The following DPP10 variants were observed in gnomAD, a reference collection of about 807,000 sequenced individuals.
DPP10 encodes the protein dipeptidyl peptidase like 10.
Under a neutral mutation model 120.9 loss-of-function variants are expected in DPP10, and 33 were observed. The observed-to-expected ratio is 0.27, with a 90% CI of 0.21 to 0.37. The LOEUF (loss-of-function observed/expected upper bound fraction) is 0.37. DPP10 is among the 10% of genes least tolerant of loss of function. The probability of loss-of-function intolerance (pLI) is 1.00; values close to 1 mark genes in which losing one functional copy is unlikely to be tolerated. For synonymous variants in DPP10, 337 were observed against 326.1 expected (o/e 1.03, Z -0.36); for missense variants, 816 against 942.8 (o/e 0.87, Z 1.76).
At chr2:115,779,873 A>G (rs1258809350) in intron 15 of DPP10, among the ~76,000 whole-genome samples, 1 of 152,004 alleles carries the variant, frequency 6.6e-6, no homozygotes, top group African/African-American at 2.4e-5. Context: ...TTTGAGTATT[A>G]TAAGGAAATT....
intron 3 of DPP10, among the ~76,000 whole-genome samples, chr2:115,493,232 T>G (rs911162616): frequency 3.9e-5 from 6 of 152,024 alleles, no homozygotes; most frequent in Non-Finnish European, 5.9e-5. Flanking sequence ...AGCAGTAGTC[T>G]GGGTGAGTGG....
chr2:114,864,204 C>T (rs1265359814), intron 1 of DPP10, among the ~76,000 whole-genome samples: 1 of 152,082 alleles, frequency 6.6e-6, no homozygotes, highest in African/African-American at 2.4e-5. Context: ...CCGGTAAAAT[C>T]TACATTTCTC....
intron 1 of DPP10, among the ~76,000 whole-genome samples, chr2:114,780,008 C>T (rs909685975): frequency 5.3e-5 from 8 of 151,740 alleles, no homozygotes; most frequent in East Asian, 1.9e-4. Context: ...TGGTGGTGGT[C>T]GCCTGTAGTC....
intron 2 of DPP10, among the ~76,000 whole-genome samples, chr2:115,335,854 A>G (rs1559444915): frequency 6.6e-6 from 1 of 152,138 alleles, no homozygotes; most frequent in East Asian, 1.9e-4. Flanking sequence ...CAGCCCTGGG[A>G]ATGGAGATGG....
chr2:115,031,460 T>C (rs1439653914), intron 1 of DPP10, among the ~76,000 whole-genome samples: 1 of 152,160 alleles, frequency 6.6e-6, no homozygotes, highest in East Asian at 1.9e-4. Context: ...CTCACCCCTG[T>C]TGACCTTCAA....
intron 4 of DPP10, among the ~76,000 whole-genome samples, chr2:115,510,349 A>T (rs2077160224): frequency 6.6e-6 from 1 of 152,176 alleles, no homozygotes; most frequent in African/African-American, 2.4e-5. Flanking sequence ...GTGAGGAAAG[A>T]GGTCCACATT....
At chr2:115,450,775 G>T (rs1009320996) in intron 3 of DPP10, among the ~76,000 whole-genome samples, 7 of 151,940 alleles carry the variant, frequency 4.6e-5, no homozygotes, top group African/African-American at 1.7e-4. Flanking sequence ...AAACTATGTT[G>T]AGCTCTGAAG....
chr2:115,474,146 A>G (rs2074918420), intron 3 of DPP10, among the ~76,000 whole-genome samples: 1 of 151,058 alleles, frequency 6.6e-6, no homozygotes, highest in Admixed American at 6.6e-5. Flanking sequence ...AATTATGAAC[A>G]CACACTATTA....
At chr2:115,342,505 C>T (rs965279108) in intron 2 of DPP10, among the ~76,000 whole-genome samples, 3 of 152,170 alleles carry the variant, frequency 2.0e-5, no homozygotes, top group African/African-American at 2.4e-5. Flanking sequence ...TGCCCCACTG[C>T]GCCTGGCCTG....
chr2:114,471,757 C>T (rs562008428), intron 1 of DPP10, among the ~76,000 whole-genome samples: 2 of 152,256 alleles, frequency 1.3e-5, no homozygotes, highest in Admixed American at 6.5e-5. Context: ...TTGCTAGGCT[C>T]ATGAGATGGA....
intron 1 of DPP10, among the ~76,000 whole-genome samples, chr2:115,059,971 G>A (rs1157895142): frequency 6.6e-6 from 1 of 151,948 alleles, no homozygotes. Flanking sequence ...TAAAACATGA[G>A]GATGATGCGT....
At chr2:115,632,304 G>A (rs753955883) in intron 5 of DPP10, among the ~76,000 whole-genome samples, 13 of 152,110 alleles carry the variant, frequency 8.5e-5, no homozygotes, top group East Asian at 1.9e-4. Flanking sequence ...GTCTTTGTAC[G>A]TGAGATGGGT....
chr2:115,303,751 C>T (rs1241151026), intron 1 of DPP10, among the ~76,000 whole-genome samples: 1 of 151,742 alleles, frequency 6.6e-6, no homozygotes, highest in African/African-American at 2.4e-5. Context: ...AATTTGTATT[C>T]CCAGCTTCAT....
At chr2:115,176,644 G>A (rs772570846) in intron 1 of DPP10, among the ~76,000 whole-genome samples, 8 of 152,168 alleles carry the variant, frequency 5.3e-5, no homozygotes, top group Non-Finnish European at 4.4e-5. Context: ...AAGGATAATA[G>A]TAAGAGCCAT....
chr2:114,630,672 A>T (rs1694853982), intron 1 of DPP10, among the ~76,000 whole-genome samples: 1 of 152,304 alleles, frequency 6.6e-6, no homozygotes, highest in Non-Finnish European at 1.5e-5. Flanking sequence ...TGAGATAGCC[A>T]AGAGCCAGTT....
At chr2:114,585,337 T>G (rs1235796451) in intron 1 of DPP10, among the ~76,000 whole-genome samples, 1 of 152,180 alleles carries the variant, frequency 6.6e-6, no homozygotes, top group Non-Finnish European at 1.5e-5. Context: ...TTCCCTCTCG[T>G]TGACTCTCTC....
At chr2:114,618,062 T>C (rs538277698) in intron 1 of DPP10, among the ~76,000 whole-genome samples, 1 of 152,216 alleles carries the variant, frequency 6.6e-6, no homozygotes, top group East Asian at 1.9e-4. Context: ...GCAGTGTATT[T>C]TTTAGGTCTC....
At chr2:115,807,143 A>G (rs910426473) in intron 19 of DPP10, among the ~76,000 whole-genome samples, 2 of 152,092 alleles carry the variant, frequency 1.3e-5, no homozygotes, top group African/African-American at 4.8e-5. Flanking sequence ...CTACTTACTC[A>G]CTCACACTGT....
intron 1 of DPP10, among the ~76,000 whole-genome samples, chr2:114,496,067 A>G (rs923980125): frequency 2.6e-5 from 4 of 152,156 alleles, no homozygotes; most frequent in African/African-American, 9.7e-5. Context: ...TTATTAGAGG[A>G]AATTGGCCAA....
Sources: gnomAD v4.1 joint callset for allele counts (sites outside exome capture counted in the v4.1 genomes callset) on GRCh38, gnomAD v4.1.1 for gene constraint, MANE v1.5 for transcripts, NCBI Gene and HGNC (gene_info 2026-07-23, HGNC 2026-07-21) for gene names.